ANAPC16: variants seen among roughly 807,000 people sequenced by gnomAD.
ANAPC16 encodes anaphase promoting complex subunit 16.
In ANAPC16, 6 loss-of-function variants were observed where a neutral mutation model predicts 13.1. The ratio of observed to expected loss-of-function variants is 0.46; its 90% CI spans 0.25 to 0.90. The LOEUF (loss-of-function observed/expected upper bound fraction) is 0.90, where lower values mean the gene tolerates loss of function less well. Ranked by LOEUF, ANAPC16 falls within the 40% of genes least tolerant of loss-of-function variation. ANAPC16 has a pLI of 0.18. For missense variants in ANAPC16, 113 were observed against 131.1 expected (o/e 0.86, Z 0.67); for synonymous variants, 55 against 51.3 (o/e 1.07, Z -0.31).
intron 3 of ANAPC16, among the ~76,000 whole-genome samples, chr10:72,230,858 T>C (rs1480998527): frequency 6.6e-6 from 1 of 152,098 alleles, no homozygotes; most frequent in African/African-American, 2.4e-5. Context: ...AGCACTGCAC[T>C]CTAGCCTGTG....
intron 1 of ANAPC16, chr10:72,216,840 G>A: frequency 4.4e-6 from 2 of 456,134 alleles, no homozygotes; most frequent in South Asian, 1.5e-5. Flanking sequence ...CCAAGTCCCA[G>A]GATACTTCAT....
At chr10:72,225,326 C>G (rs1166697629) in intron 2 of ANAPC16, among the ~76,000 whole-genome samples, 1 of 150,458 alleles carries the variant, frequency 6.6e-6, no homozygotes, top group Non-Finnish European at 1.5e-5. Flanking sequence ...ATTTCTGGGC[C>G]CACCTTAGAG....
intron 3 of ANAPC16, among the ~76,000 whole-genome samples, chr10:72,231,460 T>G (rs1411926891): frequency 6.6e-6 from 1 of 151,802 alleles, no homozygotes; most frequent in Non-Finnish European, 1.5e-5. Flanking sequence ...GACGATCGCT[T>G]CAGCCCAGGA....
chr10:72,233,230 C>A lies in ANAPC16; in HGVS notation c.*114C>A. ...CAGCTACGTCACTGAATTGTTAATG[C>A]ACATTTGTACTTGGTTTCTCTGTAT... is the stretch of plus-strand genomic sequence containing the variant. On this transcript the variant is annotated 3_prime_UTR_variant, in exon 4 of 4. Coordinates refer to ENST00000299381, the MANE Select transcript of ANAPC16 (RefSeq NM_173473.4). 1.4e-6 allele frequency: 1 copy of A among 707,764 alleles called. No homozygotes were observed. Among genetic ancestry groups the A allele is most frequent in the Non-Finnish European group, 2.4e-6 (1 of 413,288 alleles). 43.8% of individuals were successfully genotyped at this position (707,764 alleles called of 1,614,324 possible).
At chr10:72,226,583 G>A (rs1243006461) in intron 2 of ANAPC16, among the ~76,000 whole-genome samples, 1 of 151,860 alleles carries the variant, frequency 6.6e-6, no homozygotes, top group African/African-American at 2.4e-5. Context: ...TGAGGTGGGA[G>A]GTTCACCTGA....
intron 1 of ANAPC16, chr10:72,216,756 G>A: frequency 2.2e-6 from 1 of 453,966 alleles, no homozygotes; most frequent in Admixed American, 2.4e-5. Context: ...CTCGGACACA[G>A]CAATCTGTGT....
chr10:72,230,549 C>T, intron 3 of ANAPC16, 109 bp downstream of exon 3: 2 of 896,942 alleles, frequency 2.2e-6, no homozygotes, highest in Non-Finnish European at 1.8e-6. Flanking sequence ...AGTGGACTTC[C>T]TAAATTAAAG....
chr10:72,216,761 C>G (rs1859423674), intron 1 of ANAPC16: 1 of 454,538 alleles, frequency 2.2e-6, no homozygotes, highest in Non-Finnish European at 4.4e-6. Flanking sequence ...ACACAGCAAT[C>G]TGTGTCCACA....
intron 1 of ANAPC16, 61 bp downstream of exon 1, chr10:72,216,199 G>A (rs1383199539): frequency 6.5e-6 from 1 of 153,860 alleles, no homozygotes; most frequent in East Asian, 1.9e-4. Context: ...TAACCCCCAG[G>A]ATCCTACCTG....
chr10:72,217,157 TTTC>T (rs1407906568), intron 1 of ANAPC16: 1 of 425,006 alleles, frequency 2.4e-6, no homozygotes, highest in Non-Finnish European at 4.7e-6. Flanking sequence ...TGGCAGGGTG[TTTC>T]TTAAGATCAT....
At chr10:72,232,240 G>A (rs1860336872) in intron 3 of ANAPC16, among the ~76,000 whole-genome samples, 4 of 129,892 alleles carry the variant, frequency 3.1e-5, no homozygotes, top group South Asian at 2.6e-4. Flanking sequence ...CATAGAATAA[G>A]ACCCCATTAT....
intron 3 of ANAPC16, among the ~76,000 whole-genome samples, chr10:72,231,713 C>T (rs1012282347): frequency 2.6e-5 from 4 of 152,084 alleles, no homozygotes; most frequent in East Asian, 3.9e-4. Context: ...CACGCCACCA[C>T]GCCCAGCTAA....
chr10:72,220,111 C>G (rs1859847913), intron 1 of ANAPC16: 1 of 152,026 alleles, frequency 6.6e-6, no homozygotes, highest in Non-Finnish European at 1.5e-5. Flanking sequence ...AGGTGGATCA[C>G]CTGAGGTCGG....
At chr10:72,223,789 C>T (rs1022332610) in intron 1 of ANAPC16, 99 bp from the exon 2 acceptor site, 1 of 983,600 alleles carries the variant, frequency 1.0e-6, no homozygotes, top group Non-Finnish European at 1.4e-6. Context: ...GGAGCTAACT[C>T]TTTACAAAAC....
intron 2 of ANAPC16, among the ~76,000 whole-genome samples, chr10:72,228,761 T>C (rs1860202421): frequency 6.6e-6 from 1 of 152,204 alleles, no homozygotes; most frequent in African/African-American, 2.4e-5. Context: ...AGGCATATAG[T>C]GTGGTGGAGT....
At chr10:72,230,494 G>T in intron 3 of ANAPC16, 54 bp downstream of exon 3, 1 of 1,486,600 alleles carries the variant, frequency 6.7e-7, no homozygotes, top group South Asian at 1.1e-5. Context: ...GCTAGGGGGT[G>T]GATGAGGCTG....
At chr10:72,220,326 A>AG (rs1491305238) in intron 1 of ANAPC16, 3 of 104,484 alleles carry the variant, frequency 2.9e-5, no homozygotes, top group Non-Finnish European at 5.3e-5. Flanking sequence ...ACTCCGTCTC[A>AG]AAAAAAAAAA....
In ANAPC16 at chr10:72,234,666, C is replaced by A. The variant is rs1378053527; in HGVS notation, c.*1550C>A. On this transcript the variant is annotated 3_prime_UTR_variant, in exon 4 of 4. Coordinates refer to ENST00000299381, the MANE Select transcript of ANAPC16 (RefSeq NM_173473.4). ...TAAATATAATCCCAGTAGCATTTAG[C>A]CTTAATCTCAAGAGTTCAAAATGTT... 6.6e-6 allele frequency: 1 copy of A among 152,138 alleles called. No homozygotes were observed. The allele number at this position is 152,138 out of a possible 1,614,324, so 9.4% of individuals were successfully genotyped here. A position where few individuals can be genotyped will look rare whatever the true frequency, so the allele number is the denominator to read the frequency against.
chr10:72,232,895 C>T lies in ANAPC16; in HGVS notation c.218-106C>T, dbSNP rs1259769089. The stretch of plus-strand genomic sequence containing the variant: ...CTGGGATTATAGGCGTGATCCACCA[C>T]ACCCGGCCTAGAAATTATTTTTATA... On this transcript the variant is annotated intron_variant, in intron 3 of 3. Transcript: ENST00000299381. The T allele has an allele frequency of 5.0e-5, 45 of 908,578 alleles. 1 individual carries two copies. The South Asian group carries it at 6.5e-4, about 13-fold the overall frequency. 56.3% of individuals were successfully genotyped at this position (908,578 alleles called of 1,614,324 possible). A position where few individuals can be genotyped will look rare whatever the true frequency, so the allele number is the denominator to read the frequency against.
Sources: gnomAD v4.1 joint callset for allele counts (sites outside exome capture counted in the v4.1 genomes callset) on GRCh38, gnomAD v4.1.1 for gene constraint, MANE v1.5 for transcripts, NCBI Gene and HGNC (gene_info 2026-07-23, HGNC 2026-07-21) for gene names.